Variants in ST18 observed in about 807,000 individuals in gnomAD.
ST18 encodes ST18 C2H2C-type zinc finger transcription factor, also known as suppression of tumorigenicity 18 protein.
ST18 carries 50 observed loss-of-function variants against 110.0 expected under a neutral mutation model. That is an observed-to-expected ratio of 0.45 (90% CI 0.36 to 0.58). The LOEUF (loss-of-function observed/expected upper bound fraction) is 0.58. Ranked by LOEUF, ST18 falls within the 20% of genes least tolerant of loss-of-function variation. ST18 has a pLI of 0.00. For missense variants in ST18, 1,306 were observed against 1,280.1 expected (o/e 1.02, Z -0.31); for synonymous variants, 461 against 452.4 (o/e 1.02, Z -0.24).
intron 8 of ST18, chr8:52,194,376 T>G (rs779206341): frequency 1.1e-4 from 16 of 150,070 alleles, no homozygotes; most frequent in Non-Finnish European, 1.9e-4. Flanking sequence ...ATTATAAACC[T>G]TATCTCTCTA....
intron 8 of ST18, among the ~76,000 whole-genome samples, chr8:52,205,037 T>G (rs1339376147): frequency 1.3e-5 from 2 of 152,142 alleles, no homozygotes; most frequent in African/African-American, 2.4e-5. Context: ...AAAGTAGACC[T>G]TAGACAAGCT....
intron 2 of ST18, among the ~76,000 whole-genome samples, chr8:52,361,078 T>G (rs1308444087): frequency 6.6e-6 from 1 of 152,232 alleles, no homozygotes; most frequent in East Asian, 1.9e-4. Flanking sequence ...TATATAAGCT[T>G]GTGATGTATT....
intron 2 of ST18, among the ~76,000 whole-genome samples, chr8:52,270,169 A>G (rs2138872282): frequency 6.6e-6 from 1 of 152,234 alleles, no homozygotes; most frequent in South Asian, 2.1e-4. Flanking sequence ...TTCTTCTTTT[A>G]TATTGTTGTG....
chr8:52,185,139 T>C (rs557458348), intron 8 of ST18, among the ~76,000 whole-genome samples: 110 of 152,250 alleles, frequency 7.2e-4, no homozygotes, highest in African/African-American at 2.6e-3. Flanking sequence ...TTTACTTCTA[T>C]AAACCAGCCA....
chr8:52,249,971 C>T (rs1235694819), intron 2 of ST18, among the ~76,000 whole-genome samples: 1 of 151,810 alleles, frequency 6.6e-6, no homozygotes, highest in Non-Finnish European at 1.5e-5. Flanking sequence ...CTCCCCCCGA[C>T]CCCAGCCCTA....
chr8:52,408,790 T>A (rs1440465323), intron 2 of ST18, among the ~76,000 whole-genome samples: 1 of 152,212 alleles, frequency 6.6e-6, no homozygotes, highest in Non-Finnish European at 1.5e-5. Flanking sequence ...AGTGCCTGTA[T>A]TCCAGTAAAC....
intron 2 of ST18, among the ~76,000 whole-genome samples, chr8:52,351,944 A>G (rs908444132): frequency 3.3e-5 from 5 of 152,332 alleles, no homozygotes; most frequent in African/African-American, 1.2e-4. Flanking sequence ...TGTGTTAAAC[A>G]CTGGAATCAA....
At chr8:52,141,526 T>C (rs1239871574) in intron 17 of ST18, among the ~76,000 whole-genome samples, 1 of 152,174 alleles carries the variant, frequency 6.6e-6, no homozygotes, top group African/African-American at 2.4e-5. Context: ...TGAGGCTTTG[T>C]TCTTGGTAAA....
At chr8:52,129,150 C>T (rs1312778491) in intron 22 of ST18, among the ~76,000 whole-genome samples, 2 of 152,056 alleles carry the variant, frequency 1.3e-5, no homozygotes. Context: ...ATAAGCGAGG[C>T]GTTTTGCCAT....
chr8:52,218,689 T>C (rs983553833), intron 5 of ST18, among the ~76,000 whole-genome samples: 4 of 151,626 alleles, frequency 2.6e-5, no homozygotes, highest in African/African-American at 7.3e-5. Context: ...CATGAGCCAC[T>C]GCACCCGGCT....
chr8:52,172,361 C>T lies in ST18; in HGVS notation c.500G>A (p.Cys167Tyr). ...LKAESDEADE[C>Y]FLIHSDDGRD... ...TCCATCATCAGAATGAATCAGAAAGCACTCGTCTGCTTCATCGCTCTCTGC... is the reference window on the plus strand; with the variant it reads ...TCCATCATCAGAATGAATCAGAAAGTACTCGTCTGCTTCATCGCTCTCTGC... Residue 167 changes from cysteine to tyrosine, a missense_variant, in exon 10 of 26, where the codon TGC becomes TAC. Physicochemically the swap from Cys to Tyr is radical, Grantham distance 194. Transcript: ENST00000689386. 2 of 1,614,108 alleles carry T rather than the reference C, an allele frequency of 1.2e-6. No individual in the cohort carries two copies. The highest frequency in any genetic ancestry group is 1.7e-6 in the Non-Finnish European group (2 of 1,180,024).
rs369041938 is a variant in ST18 at position 52,149,694 on chromosome 8, C to T, written c.2052+38G>A. The T allele has an allele frequency of 1.8e-5, 29 of 1,590,346 alleles. No individual in the cohort carries two copies. In the African/African-American group the frequency reaches 2.8e-4, roughly 16 times the overall value. On this transcript the variant is annotated intron_variant, in intron 16 of 25. Coordinates refer to ENST00000689386, the MANE Select transcript of ST18 (RefSeq NM_001352837.2). ...AAGCTAGTGATACCCTGCAATCATG[C>T]TGTCTTCAACTTATTGATTGACATA...
chr8:52,255,606 T>G (rs1243715431), intron 2 of ST18, among the ~76,000 whole-genome samples: 2 of 152,178 alleles, frequency 1.3e-5, no homozygotes, highest in Non-Finnish European at 2.9e-5. Context: ...GAACTACATA[T>G]TAACATTTTT....
chr8:52,181,571 T>C (rs1237720048), intron 8 of ST18, among the ~76,000 whole-genome samples: 1 of 152,202 alleles, frequency 6.6e-6, no homozygotes, highest in African/African-American at 2.4e-5. Context: ...TGATAGGTAA[T>C]AGGTAAAAGA....
intron 24 of ST18, 27 bp downstream of exon 24, chr8:52,118,311 G>A (rs773059176): frequency 2.1e-6 from 3 of 1,432,216 alleles, no homozygotes; most frequent in South Asian, 1.2e-5. Context: ...ATTACATTAA[G>A]GATCATGAAT....
chr8:52,283,906 T>C (rs1349859394), intron 2 of ST18, among the ~76,000 whole-genome samples: 6 of 152,178 alleles, frequency 3.9e-5, no homozygotes, highest in Admixed American at 3.3e-4. Flanking sequence ...ATATATGAAA[T>C]AGTCTTCTAC....
chr8:52,154,530 G>A (rs1484765759), intron 15 of ST18: 1 of 152,172 alleles, frequency 6.6e-6, no homozygotes, highest in African/African-American at 2.4e-5. Context: ...AAGAAAACGG[G>A]AGTGCATCTG....
intron 9 of ST18, among the ~76,000 whole-genome samples, chr8:52,175,459 T>G (rs1587765746): frequency 6.6e-6 from 1 of 152,076 alleles, no homozygotes; most frequent in East Asian, 1.9e-4. Context: ...GTGCACGATA[T>G]GCGATGTGGA....
At chr8:52,156,752 CAT>C (rs2060115332) in intron 15 of ST18, among the ~76,000 whole-genome samples, 1 of 152,058 alleles carries the variant, frequency 6.6e-6, no homozygotes. Context: ...TGCGTGTGTG[CAT>C]GTGTGTGTGT....
Sources: allele counts gnomAD v4.1 joint callset (sites outside exome capture counted in the v4.1 genomes callset), GRCh38; gene constraint gnomAD v4.1.1; transcripts MANE v1.5; gene names NCBI Gene and HGNC (gene_info 2026-07-23, HGNC 2026-07-21).